SGCZ: variants seen among roughly 807,000 people sequenced by gnomAD.
SGCZ encodes the protein zeta-sarcoglycan.
Under a neutral mutation model 41.3 loss-of-function variants are expected in SGCZ, and 40 were observed. The observed-to-expected ratio is 0.97, with a 90% confidence interval of 0.75 to 1.26. SGCZ has a LOEUF of 1.26. SGCZ is among the 50% of genes most tolerant of loss of function. The pLI, the probability that SGCZ is intolerant of heterozygous loss-of-function variation, is 0.00. For synonymous variants in SGCZ, 206 were observed against 137.5 expected, an observed-to-expected ratio of 1.50 and a Z score of -3.49; for missense variants, 552 against 369.8, an observed-to-expected ratio of 1.49 and a Z score of -4.04.
intron 1 of SGCZ, among the ~76,000 whole-genome samples, chr8:14,560,341 T>TAC (rs1179471371): frequency 3.3e-5 from 5 of 151,850 alleles, no homozygotes; most frequent in Admixed American, 6.6e-5. Context: ...ACAACATATA[T>TAC]ATATATGTAT....
At chr8:14,472,206 A>G (rs2116980900) in intron 2 of SGCZ, among the ~76,000 whole-genome samples, 1 of 152,214 alleles carries the variant, frequency 6.6e-6, no homozygotes, top group South Asian at 2.1e-4. Flanking sequence ...TGTGAATTAA[A>G]TTCTCAGTAA....
chr8:14,324,928 G>C (rs546426203), intron 2 of SGCZ, among the ~76,000 whole-genome samples: 1 of 152,250 alleles, frequency 6.6e-6, no homozygotes, highest in East Asian at 1.9e-4. Flanking sequence ...TCCCTGGAGG[G>C]TGGAACAAAA....
At chr8:14,718,708 C>G (rs554278089) in intron 1 of SGCZ, among the ~76,000 whole-genome samples, 1 of 151,862 alleles carries the variant, frequency 6.6e-6, no homozygotes, top group East Asian at 1.9e-4. Context: ...TGTTGATGAT[C>G]TTTAATGCCA....
intron 3 of SGCZ, among the ~76,000 whole-genome samples, chr8:14,320,551 T>C (rs1333979834): frequency 6.6e-6 from 1 of 152,040 alleles, no homozygotes; most frequent in Non-Finnish European, 1.5e-5. Flanking sequence ...GTCTGAATTC[T>C]ATAAAGAATA....
At chr8:15,022,475 C>A (rs1458288018) in intron 1 of SGCZ, among the ~76,000 whole-genome samples, 1 of 152,102 alleles carries the variant, frequency 6.6e-6, no homozygotes, top group African/African-American at 2.4e-5. Context: ...TCCAGAGTAG[C>A]TGGGACTACA....
intron 1 of SGCZ, among the ~76,000 whole-genome samples, chr8:14,744,058 T>C (rs1344900062): frequency 6.6e-6 from 1 of 152,120 alleles, no homozygotes; most frequent in African/African-American, 2.4e-5. Context: ...GGCTGTTGAA[T>C]AGCCACAGGG....
chr8:14,452,855 C>G (rs923105461), intron 2 of SGCZ, among the ~76,000 whole-genome samples: 3 of 152,126 alleles, frequency 2.0e-5, no homozygotes, highest in Non-Finnish European at 4.4e-5. Flanking sequence ...CAAATCCCAG[C>G]ACCTTGGGAG....
chr8:14,420,201 C>T (rs965662126), intron 2 of SGCZ, among the ~76,000 whole-genome samples: 1 of 151,950 alleles, frequency 6.6e-6, no homozygotes, highest in Non-Finnish European at 1.5e-5. Context: ...TTTGACTCTC[C>T]CATTTTTTCA....
At chr8:14,382,246 A>G (rs533171166) in intron 2 of SGCZ, among the ~76,000 whole-genome samples, 1 of 152,276 alleles carries the variant, frequency 6.6e-6, no homozygotes, top group East Asian at 1.9e-4. Flanking sequence ...CTGGAGCAGA[A>G]GAGGATTCTA....
chr8:14,597,662 TA>T (rs1455674540), intron 1 of SGCZ, among the ~76,000 whole-genome samples: 1 of 151,934 alleles, frequency 6.6e-6, no homozygotes, highest in Non-Finnish European at 1.5e-5. Flanking sequence ...TTTTTAGTAG[TA>T]ATGGGGTTTT....
At chr8:14,575,474 T>G (rs1355796924) in intron 1 of SGCZ, among the ~76,000 whole-genome samples, 1 of 152,208 alleles carries the variant, frequency 6.6e-6, no homozygotes, top group Non-Finnish European at 1.5e-5. Context: ...GTATACATGT[T>G]ACAGAAACCC....
At chr8:14,165,055 A>G (rs751831896) in intron 4 of SGCZ, 3 of 244,326 alleles carry the variant, frequency 1.2e-5, no homozygotes, top group Admixed American at 5.1e-5. Flanking sequence ...TGGATGCTTA[A>G]TAAGTACTTG....
chr8:14,679,837 C>A (rs1459797587), intron 1 of SGCZ, among the ~76,000 whole-genome samples: 2 of 151,968 alleles, frequency 1.3e-5, no homozygotes, highest in Non-Finnish European at 2.9e-5. Context: ...GTTTCCTATA[C>A]AGATGTTTTC....
intron 4 of SGCZ, among the ~76,000 whole-genome samples, chr8:14,207,022 G>A (rs926324725): frequency 2.0e-5 from 3 of 152,072 alleles, no homozygotes; most frequent in Admixed American, 6.6e-5. Context: ...TTTTTGTGGA[G>A]AACTATTTAA....
At chr8:14,294,830 G>T (rs1407066255) in intron 3 of SGCZ, among the ~76,000 whole-genome samples, 1 of 151,950 alleles carries the variant, frequency 6.6e-6, no homozygotes, top group Non-Finnish European at 1.5e-5. Context: ...TAGATGTAGG[G>T]AAAATGCAAA....
At chr8:14,825,157 G>A (rs1276340289) in intron 1 of SGCZ, among the ~76,000 whole-genome samples, 1 of 152,066 alleles carries the variant, frequency 6.6e-6, no homozygotes, top group Non-Finnish European at 1.5e-5. Flanking sequence ...ATTTCATGGA[G>A]CGCTGTGAAT....
At chr8:15,208,114 T>C (rs761847567) in intron 1 of SGCZ, among the ~76,000 whole-genome samples, 1 of 152,188 alleles carries the variant, frequency 6.6e-6, no homozygotes, top group Non-Finnish European at 1.5e-5. Context: ...ATAAAACACA[T>C]TGGAAAACAG....
Position 14,851,781 on chromosome 8 carries a change from G to A in SGCZ, c.40-296855C>T, listed in dbSNP as rs116981052. On this transcript the variant is annotated intron_variant, in intron 1 of 7. Coordinates refer to ENST00000382080, the MANE Select transcript of SGCZ (RefSeq NM_139167.4). ...GCTGGAGATGTTTGGACTTCAGAGC[G>A]AATACTTTCCAGGGAATCTAAGATG... Among the ~76,000 whole-genome samples the A allele has an allele frequency of 2.6e-5, 4 of 151,968 alleles. No homozygotes were observed. In the East Asian group the frequency reaches 7.8e-4, roughly 30 times the overall value.
chr8:14,449,075 C>A (rs948064774), intron 2 of SGCZ, among the ~76,000 whole-genome samples: 2 of 152,108 alleles, frequency 1.3e-5, no homozygotes, highest in Non-Finnish European at 2.9e-5. Flanking sequence ...CTTCAGGATG[C>A]AAAACAAGTC....
Sources: gnomAD v4.1 joint callset for allele counts (sites outside exome capture counted in the v4.1 genomes callset) on GRCh38, gnomAD v4.1.1 for gene constraint, MANE v1.5 for transcripts, NCBI Gene and HGNC (gene_info 2026-07-23, HGNC 2026-07-21) for gene names.